UBIAD1: variants seen among roughly 807,000 people sequenced by gnomAD.
UBIAD1 encodes UbiA prenyltransferase domain containing 1.
UBIAD1 carries 12 observed loss-of-function variants against 20.1 expected under a neutral mutation model. The observed-to-expected ratio is 0.60, with a 90% confidence interval of 0.38 to 0.97. The LOEUF (loss-of-function observed/expected upper bound fraction) is 0.97, where lower values mean the gene tolerates loss of function less well. UBIAD1 is among the 50% of genes least tolerant of loss of function. UBIAD1 has a pLI of 0.00. For missense variants in UBIAD1, 333 were observed against 419.5 expected (o/e 0.79, Z 1.80); for synonymous variants, 207 against 189.2 (o/e 1.09, Z -0.77).
downstream of UBIAD1, among the ~76,000 whole-genome samples, chr1:11,297,602 G>A (rs1017244615): frequency 1.8e-4 from 28 of 152,302 alleles, no homozygotes; most frequent in Middle Eastern, 0.01. Flanking sequence ...TGTCAGGAGA[G>A]CCAAGCCTGG....
chr1:11,287,993 C>A lies in UBIAD1; in HGVS notation c.*1862C>A, dbSNP rs1638302165. 1 of 152,188 alleles carries A rather than the reference C, an allele frequency of 6.6e-6. No homozygotes were observed. The highest frequency in any genetic ancestry group is 1.5e-5 in the Non-Finnish European group (1 of 68,026). The allele number at this position is 152,188 out of a possible 1,614,324, so 9.4% of individuals were successfully genotyped here. ...TAAAGTTAAATCAAAGGTGGTTTGT[C>A]TAGCAGAGAGCCAGAATCTTCTAAT... On this transcript the variant is annotated 3_prime_UTR_variant, in exon 2 of 2. Transcript: ENST00000376810.
In UBIAD1 at chr1:11,286,055, A is replaced by C. The variant is rs1379206322; in HGVS notation, c.941A>C (p.Lys314Thr). The C allele has an allele frequency of 6.2e-7, 1 of 1,614,060 alleles. No homozygotes were observed. Among genetic ancestry groups the C allele is most frequent in the East Asian group, 2.2e-5 (1 of 44,900 alleles). The change falls in exon 2 of 2, where the codon AAG becomes ACG. Residue 314 changes from lysine (K) to threonine (T), a missense_variant. This residue lies in a region of UBIAD1 where 226 missense variants were observed against 263.5 expected (regional missense o/e 0.86). Transcript: ENST00000376810. Reference sequence around the variant, plus strand: ...AACAAACTGCCCCAGAGGACTGCCAAGCTCAACCTCCTGCTGGGACTTTTC... The same window carrying C: ...AACAAACTGCCCCAGAGGACTGCCACGCTCAACCTCCTGCTGGGACTTTTC... ...AFNKLPQRTA[K>T]LNLLLGLFYV...
In UBIAD1 at chr1:11,294,807, G is replaced by C. The variant is rs1638421961; in HGVS notation, c.530-66G>C. On this transcript the variant is annotated intron_variant, in intron 1 of 1. Coordinates refer to the UBIAD1 transcript ENST00000376804. ...CCACGATGATGGAGGCGAAGGTTCA[G>C]TCTCAGGTTAAATTTATGCTCCTGT... The C allele has an allele frequency of 1.4e-5, 10 of 717,488 alleles. 1 individual carries two copies. In the East Asian group the frequency reaches 2.7e-4, roughly 19 times the overall value. 44.4% of individuals were successfully genotyped at this position (717,488 alleles called of 1,614,324 possible).
At position 11,273,480 on chromosome 1, in the gene UBIAD1, G is replaced by A. The variant is rs1651855801; in HGVS notation, c.-52G>A. 1 of 1,606,782 alleles carries A rather than the reference G, an allele frequency of 6.2e-7. No individual in the cohort carries two copies. The highest frequency in any genetic ancestry group is 1.3e-5 in the African/African-American group (1 of 74,848). On this transcript the variant is annotated 5_prime_UTR_variant, in exon 1 of 2. Transcript: ENST00000376810. This position sits in a 1 kb window ranked among gnomAD's most constrained non-coding sequence, Gnocchi z 4.9. Reference sequence around the variant, plus strand: ...CCCCGTCCTTCCTCCTTCCCGGGCGGTCACTGTGCGTGGCTCACTTTTAGA... The same window carrying A: ...CCCCGTCCTTCCTCCTTCCCGGGCGATCACTGTGCGTGGCTCACTTTTAGA...
At chr1:11,291,414 C>G (rs933554827), downstream of UBIAD1, among the ~76,000 whole-genome samples, 1 of 151,956 alleles carries the variant, frequency 6.6e-6, no homozygotes, top group Non-Finnish European at 1.5e-5. Context: ...TCTAGGCCAG[C>G]CTGGCCAATA....
chr1:11,276,714 A>G (rs1357514791), intron 1 of UBIAD1, among the ~76,000 whole-genome samples: 1 of 151,624 alleles, frequency 6.6e-6, no homozygotes, highest in Non-Finnish European at 1.5e-5. Context: ...ATCTCCATAT[A>G]TGTATCCCTT....
At chr1:11,276,485 G>A (rs1167084418) in intron 1 of UBIAD1, among the ~76,000 whole-genome samples, 2 of 152,056 alleles carry the variant, frequency 1.3e-5, no homozygotes, top group Non-Finnish European at 2.9e-5. Context: ...CCAACATGGT[G>A]AAACCTTGTC....
At position 11,273,820 on chromosome 1, in the gene UBIAD1, G is replaced by GC. The variant is rs1651883385; in HGVS notation, c.291dup (p.Gly98ArgfsTer2). Reference sequence around the variant, plus strand: ...CGTGGCTGTCCTGGCTGTGCACGGGGCCGGTAATTTGGTCAACACTTACTA... The same window carrying GC: ...CGTGGCTGTCCTGGCTGTGCACGGGGCCCGGTAATTTGGTCAACACTTACTA... On this transcript the variant is annotated frameshift_variant, in exon 1 of 2. Transcript: ENST00000376810. LOFTEE classifies it high-confidence loss of function. This position sits in a 1 kb window ranked among gnomAD's most constrained non-coding sequence, Gnocchi z 4.9. The GC allele has an allele frequency of 6.2e-7, 1 of 1,614,074 alleles. No homozygotes were observed. The highest frequency in any genetic ancestry group is 1.3e-5 in the African/African-American group (1 of 74,942).
Position 11,287,341 on chromosome 1 carries a change from C to G in UBIAD1, c.*1210C>G, listed in dbSNP as rs41311983. On this transcript the variant is annotated 3_prime_UTR_variant, in exon 2 of 2. Coordinates refer to ENST00000376810, the MANE Select transcript of UBIAD1 (RefSeq NM_013319.3). ...AGATAGTTGAGGGCTTTAGTGAGAT[C>G]ACACTCAGAGTGGGGCAATTCCAGC... 3.9e-5 allele frequency: 6 copies of G among 152,228 alleles called. No homozygotes were observed. The highest frequency in any genetic ancestry group is 5.9e-5 in the Non-Finnish European group (4 of 68,044). The allele number at this position is 152,228 out of a possible 1,614,324, so 9.4% of individuals were successfully genotyped here. A position where few individuals can be genotyped will look rare whatever the true frequency, so the allele number is the denominator to read the frequency against.
chr1:11,286,270 G>A lies in UBIAD1; in HGVS notation c.*139G>A. 6 of 1,149,454 alleles carry A rather than the reference G, an allele frequency of 5.2e-6. No homozygotes were observed. The highest frequency in any genetic ancestry group is 2.5e-5 in the East Asian group (1 of 39,346). 71.2% of individuals were successfully genotyped at this position (1,149,454 alleles called of 1,614,324 possible). A position where few individuals can be genotyped will look rare whatever the true frequency, so the allele number is the denominator to read the frequency against. ...CTCCTGCCTTATAAAAATTGTTTTT[G>A]TGTTCTTAAAGATAATATGTTGTTT... On this transcript the variant is annotated 3_prime_UTR_variant, in exon 2 of 2. Transcript: ENST00000376810.
At chr1:11,295,290 G>C (rs953023692), downstream of UBIAD1, 1 of 228,594 alleles carries the variant, frequency 4.4e-6, no homozygotes, top group Admixed American at 5.1e-5. Context: ...CCGAGGTGCT[G>C]ATGGACAGCT....
chr1:11,297,934 ATTACTT>A (rs377631348), downstream of UBIAD1, among the ~76,000 whole-genome samples: 657 of 151,874 alleles, frequency 4.3e-3, 6 homozygotes, highest in African/African-American at 0.015. Flanking sequence ...AGTTGTTACT[ATTACTT>A]TTACTATTAT....
rs1328459488 is a variant in UBIAD1 at position 11,285,100 on chromosome 1, C to G, written c.530-544C>G. On this transcript the variant is annotated intron_variant, in intron 1 of 1. Transcript: ENST00000376810. The surrounding 1 kb of genome is among the most constrained non-coding windows in gnomAD (Gnocchi z 4.4). ...TAACTCTCCTGTCCTCGCTGTTTTGCTTATCGCAGGGGTGCAGGTTTAAGG... is the reference window on the plus strand; with the variant it reads ...TAACTCTCCTGTCCTCGCTGTTTTGGTTATCGCAGGGGTGCAGGTTTAAGG... Among the ~76,000 whole-genome samples the G allele has an allele frequency of 2.0e-4, 31 of 152,136 alleles. No homozygotes were observed. The highest frequency in any genetic ancestry group is 1.8e-3 in the Admixed American group (28 of 15,272).
chr1:11,276,951 T>C (rs1053456208), intron 1 of UBIAD1, among the ~76,000 whole-genome samples: 4 of 152,034 alleles, frequency 2.6e-5, no homozygotes, highest in Non-Finnish European at 5.9e-5. Context: ...AATTAACACA[T>C]TTGTGCTGGA....
rs1228438453 is a variant in UBIAD1, at chr1:11,286,423, A to G, written c.*292A>G. On this transcript the variant is annotated 3_prime_UTR_variant, in exon 2 of 2. Transcript: ENST00000376810. ...AGAGGGTGTTCTCAGGTCACTTTGC[A>G]GTGAAGTGGACTTAGTTCCTCCTTG... is the stretch of plus-strand genomic sequence containing the variant. The G allele has an allele frequency of 4.6e-6, 2 of 439,034 alleles. No homozygotes were observed. The highest frequency in any genetic ancestry group is 8.4e-6 in the Non-Finnish European group (2 of 239,092). 27.2% of individuals were successfully genotyped at this position (439,034 alleles called of 1,614,324 possible). A position where few individuals can be genotyped will look rare whatever the true frequency, so the allele number is the denominator to read the frequency against.
chr1:11,282,893 T>C (rs1048486414), intron 1 of UBIAD1, among the ~76,000 whole-genome samples: 3 of 148,878 alleles, frequency 2.0e-5, no homozygotes, highest in Non-Finnish European at 4.4e-5. Context: ...GGAGTTTTGC[T>C]CTTGTTGCCC....
chr1:11,295,138 A>G (rs763323891), exon 2 of UBIAD1: 2 of 559,574 alleles, frequency 3.6e-6, no homozygotes, highest in South Asian at 2.2e-5. Context: ...CACGTGAACC[A>G]TAGAATAAAC....
intron 1 of UBIAD1, among the ~76,000 whole-genome samples, chr1:11,281,828 A>G (rs556525195): frequency 6.6e-6 from 1 of 152,186 alleles, no homozygotes; most frequent in East Asian, 1.9e-4. Context: ...ACTATGAACT[A>G]TGTATGTATG....
At chr1:11,290,528 C>G (rs1638351866), downstream of UBIAD1, among the ~76,000 whole-genome samples, 3 of 152,244 alleles carry the variant, frequency 2.0e-5, no homozygotes, top group South Asian at 6.2e-4. Context: ...ACCTCCCCTA[C>G]TCAAAGCATT....
Sources: allele counts gnomAD v4.1 joint callset (sites outside exome capture counted in the v4.1 genomes callset), GRCh38; gene constraint gnomAD v4.1.1; regional missense constraint gnomAD v4.1.1; non-coding constraint Gnocchi (gnomAD v3.1); transcripts MANE v1.5; gene names NCBI Gene and HGNC (gene_info 2026-07-23, HGNC 2026-07-21).